TFRC: variants seen among roughly 807,000 people sequenced by gnomAD.
The protein encoded by TFRC is transferrin receptor protein 1.
TFRC carries 35 observed loss-of-function variants against 85.8 expected under a neutral mutation model. That is an observed-to-expected ratio of 0.41 (90% CI 0.31 to 0.54). TFRC has a LOEUF of 0.54. Among genes scored for constraint, TFRC ranks in the 20% least tolerant of loss-of-function variants. The probability of loss-of-function intolerance (pLI) is 0.31; values close to 1 mark genes in which losing one functional copy is unlikely to be tolerated. For synonymous variants in TFRC, 362 were observed against 328.6 expected (o/e 1.10, Z -1.10); for missense variants, 828 against 921.5 (o/e 0.90, Z 1.31).
At chr3:196,063,874 T>C (rs994839300) in intron 11 of TFRC, among the ~76,000 whole-genome samples, 4 of 152,012 alleles carry the variant, frequency 2.6e-5, no homozygotes, top group African/African-American at 9.7e-5. Flanking sequence ...CTAAGTGAGA[T>C]CACACCACTG....
intron 13 of TFRC, among the ~76,000 whole-genome samples, chr3:196,062,217 CAA>C (rs150142146): frequency 4.8e-4 from 65 of 135,424 alleles, no homozygotes; most frequent in Middle Eastern, 3.9e-3. Context: ...GACCCTGTCT[CAA>C]AAAAAAAAAA....
At chr3:196,062,763 G>C in intron 12 of TFRC, 91 bp downstream of exon 12, 1 of 1,557,020 alleles carries the variant, frequency 6.4e-7, no homozygotes, top group Non-Finnish European at 8.8e-7. Context: ...AGGCAAAAGT[G>C]GTAAAATCAA....
chr3:196,068,166 T>A, intron 7 of TFRC, 36 bp from the exon 8 acceptor site: 5 of 1,475,708 alleles, frequency 3.4e-6, no homozygotes, highest in African/African-American at 1.4e-5. Context: ...AAAATGAAGA[T>A]CTGATCATAC....
intron 4 of TFRC, 123 bp downstream of exon 4, chr3:196,073,807 A>AT: frequency 9.5e-7 from 1 of 1,055,414 alleles, no homozygotes; most frequent in Non-Finnish European, 1.3e-6. Flanking sequence ...CTTTAGCTAA[A>AT]CATGACAAGT....
chr3:196,077,084 T>C lies in TFRC; in HGVS notation c.16A>G (p.Arg6Gly). Residue 6 changes from arginine to glycine, a missense_variant, in exon 2 of 19, where the codon AGA (arginine) becomes GGA (glycine). Transcript: ENST00000360110. ...CTTACCAAGTTAGAGAATGCTGATC[T>C]AGCTTGATCCATCATTCTGAACTGC... MMDQA[R>G]SAFSNLFGGE... The C allele has an allele frequency of 6.2e-7, 1 of 1,613,864 alleles. No individual in the cohort carries two copies. The highest frequency in any genetic ancestry group is 8.5e-7 in the Non-Finnish European group (1 of 1,179,846).
intron 17 of TFRC, 84 bp downstream of exon 17, chr3:196,054,996 C>T: frequency 3.8e-6 from 5 of 1,331,828 alleles, no homozygotes; most frequent in African/African-American, 1.4e-5. Context: ...AATCACCCTT[C>T]CAACAGGAAC....
At chr3:196,062,790 C>T in intron 12 of TFRC, 64 bp downstream of exon 12, 1 of 1,589,822 alleles carries the variant, frequency 6.3e-7, no homozygotes, top group Admixed American at 1.7e-5. Flanking sequence ...AAAAACATCA[C>T]TTCTGGACAA....
chr3:196,064,077 T>A (rs1717509222), intron 11 of TFRC, among the ~76,000 whole-genome samples: 1 of 152,202 alleles, frequency 6.6e-6, no homozygotes, highest in African/African-American at 2.4e-5. Context: ...TAGGGCTCAG[T>A]AACTCCACTG....
chr3:196,057,435 TCA>T (rs777892743), intron 16 of TFRC, among the ~76,000 whole-genome samples: 10 of 152,086 alleles, frequency 6.6e-5, no homozygotes, highest in Admixed American at 2.6e-4. Flanking sequence ...CTCGGGGAGC[TCA>T]GTTTTTGGAG....
intron 1 of TFRC, among the ~76,000 whole-genome samples, chr3:196,079,537 C>T (rs1718991087): frequency 6.6e-6 from 1 of 152,074 alleles, no homozygotes; most frequent in Admixed American, 6.6e-5. Context: ...TCACTTGAAC[C>T]TGGGGGAGGT....
chr3:196,071,574 T>A, intron 5 of TFRC, 76 bp from the exon 6 acceptor site: 3 of 1,390,080 alleles, frequency 2.2e-6, no homozygotes, highest in Non-Finnish European at 3.0e-6. Context: ...TTAGTATGTC[T>A]TGCATTATTT....
In TFRC at chr3:196,051,631, A is replaced by G. The variant is rs545570605; in HGVS notation, c.*311T>C. 3.1e-5 allele frequency: 11 copies of G among 356,784 alleles called. No individual in the cohort carries two copies. The highest frequency in any genetic ancestry group is 1.4e-4 in the East Asian group (3 of 21,414). The allele number at this position is 356,784 out of a possible 1,614,324, so 22.1% of individuals were successfully genotyped here. On this transcript the variant is annotated 3_prime_UTR_variant, in exon 19 of 19. Coordinates refer to ENST00000360110, the MANE Select transcript of TFRC (RefSeq NM_001128148.3). Reference sequence around the variant, plus strand: ...CTTAGGATTCAGAGAGATCATTCACATAACTGGTTTCTGACATTTTCATTA... The same window carrying G: ...CTTAGGATTCAGAGAGATCATTCACGTAACTGGTTTCTGACATTTTCATTA...
chr3:196,059,751 T>C (rs1179777979), intron 14 of TFRC, among the ~76,000 whole-genome samples: 1 of 148,138 alleles, frequency 6.8e-6, no homozygotes, highest in Non-Finnish European at 1.5e-5. Flanking sequence ...CTCCCAATGC[T>C]ATCCCTCTCC....
chr3:196,071,604 C>T, intron 5 of TFRC, 106 bp from the exon 6 acceptor site: 1 of 1,130,844 alleles, frequency 8.8e-7, no homozygotes, highest in East Asian at 2.5e-5. Context: ...AAATTTACCT[C>T]TAAATCTTAA....
At chr3:196,074,173 C>T (rs755498440) in intron 3 of TFRC, 48 bp from the exon 4 acceptor site, 6 of 1,525,232 alleles carry the variant, frequency 3.9e-6, no homozygotes, top group Non-Finnish European at 3.6e-6. Flanking sequence ...CATTTGTAAT[C>T]TATCCCTGTT....
rs1217221437 is a variant in TFRC at position 196,064,224 on chromosome 3, C to T, written c.1318+85G>A. 5 of 1,366,226 alleles carry T rather than the reference C, an allele frequency of 3.7e-6. No homozygotes were observed. In the African/African-American group the frequency reaches 4.5e-5, roughly 12 times the overall value. The allele number at this position is 1,366,226 out of a possible 1,614,324, so 84.6% of individuals were successfully genotyped here. ...GTCTAGCATGAGAACCACAGGAATG[C>T]AGGCAAAGTGAGCAAAGCACAGTAT... is the stretch of plus-strand genomic sequence containing the variant. On this transcript the variant is annotated intron_variant, in intron 11 of 18. Coordinates refer to ENST00000360110, the MANE Select transcript of TFRC (RefSeq NM_001128148.3).
chr3:196,055,848 G>A (rs1039040827), intron 16 of TFRC, among the ~76,000 whole-genome samples: 1 of 141,792 alleles, frequency 7.1e-6, no homozygotes, highest in African/African-American at 2.7e-5. Flanking sequence ...ATGACTCCCT[G>A]CAGCCTTGAG....
intron 1 of TFRC, among the ~76,000 whole-genome samples, chr3:196,079,242 A>C (rs777682661): frequency 5.3e-5 from 8 of 152,196 alleles, no homozygotes; most frequent in Non-Finnish European, 1.2e-4. Context: ...TCTAGGAAAA[A>C]ACATCTTGCA....
At chr3:196,071,319 A>T in intron 6 of TFRC, 77 bp downstream of exon 6, 1 of 1,375,512 alleles carries the variant, frequency 7.3e-7, no homozygotes, top group East Asian at 2.3e-5. Flanking sequence ...GTAAATTTAT[A>T]ACTCCTAAGA....
Sources: allele counts gnomAD v4.1 joint callset (sites outside exome capture counted in the v4.1 genomes callset), GRCh38; gene constraint gnomAD v4.1.1; transcripts MANE v1.5; gene names NCBI Gene and HGNC (gene_info 2026-07-23, HGNC 2026-07-21).